The following RBMS3 variants were observed in gnomAD, a reference collection of about 807,000 sequenced individuals.
RBMS3 encodes RNA binding motif single stranded interacting protein 3, also known as RNA-binding motif, single-stranded-interacting protein 3.
A neutral mutation model predicts 66.8 loss-of-function variants in RBMS3; 27 were observed. That is an observed-to-expected ratio of 0.40 (90% CI 0.30 to 0.56). RBMS3 has a LOEUF of 0.56. Among genes scored for constraint, RBMS3 ranks in the 20% least tolerant of loss-of-function variants. The pLI is 0.40. For synonymous variants in RBMS3, 188 were observed against 183.0 expected, an observed-to-expected ratio of 1.03 and a Z score of -0.22; for missense variants, 513 against 549.5, an observed-to-expected ratio of 0.93 and a Z score of 0.66.
intron 1 of RBMS3, among the ~76,000 whole-genome samples, chr3:29,339,731 C>G (rs935871302): frequency 6.6e-6 from 1 of 152,084 alleles, no homozygotes; most frequent in Non-Finnish European, 1.5e-5. Flanking sequence ...ATGTTATTCA[C>G]AAGTCTCAGA....
chr3:29,876,655 C>T (rs2059616372), intron 7 of RBMS3, among the ~76,000 whole-genome samples: 2 of 152,110 alleles, frequency 1.3e-5, no homozygotes, highest in Admixed American at 1.3e-4. Context: ...GGAGAAAGAG[C>T]TGGCTTTAAG....
intron 10 of RBMS3, chr3:29,933,932 C>A (rs979159449): frequency 2.6e-5 from 4 of 152,056 alleles, no homozygotes; most frequent in African/African-American, 7.2e-5. Flanking sequence ...AAAATTAATT[C>A]CAAGTGCAGG....
intron 5 of RBMS3, among the ~76,000 whole-genome samples, chr3:29,751,403 C>T (rs1297256700): frequency 6.6e-6 from 1 of 151,978 alleles, no homozygotes; most frequent in African/African-American, 2.4e-5. Flanking sequence ...TTGAGAAAAC[C>T]CTGTGGCAAC....
intron 4 of RBMS3, among the ~76,000 whole-genome samples, chr3:29,680,598 T>G (rs1403624397): frequency 6.6e-6 from 1 of 152,220 alleles, no homozygotes; most frequent in Non-Finnish European, 1.5e-5. Flanking sequence ...GCATATATTG[T>G]AAAATTTCCC....
intron 1 of RBMS3, among the ~76,000 whole-genome samples, chr3:29,300,368 C>T (rs1048977550): frequency 1.3e-5 from 2 of 151,922 alleles, no homozygotes; most frequent in African/African-American, 2.4e-5. Context: ...TGCTTATTGT[C>T]GCACTGCTTT....
At chr3:29,638,828 T>A (rs1248866777) in intron 4 of RBMS3, among the ~76,000 whole-genome samples, 1 of 151,882 alleles carries the variant, frequency 6.6e-6, no homozygotes, top group Non-Finnish European at 1.5e-5. Context: ...CTTTAGGCAT[T>A]ACTGTATTAG....
chr3:29,488,573 C>T, intron 3 of RBMS3, 74 bp downstream of exon 3: 1 of 1,345,260 alleles, frequency 7.4e-7, no homozygotes. Flanking sequence ...TTGTGGAGGT[C>T]CAGGTACCAG....
intron 8 of RBMS3, among the ~76,000 whole-genome samples, chr3:29,896,937 C>T (rs1047351857): frequency 2.0e-5 from 3 of 151,726 alleles, no homozygotes; most frequent in Non-Finnish European, 4.4e-5. Flanking sequence ...GGGCATGGAC[C>T]TATGCCTAAC....
At chr3:29,716,270 G>T (rs1457791872) in intron 4 of RBMS3, among the ~76,000 whole-genome samples, 2 of 152,032 alleles carry the variant, frequency 1.3e-5, no homozygotes, top group East Asian at 3.9e-4. Context: ...TAAGATATCT[G>T]GGCAAAGTAA....
At chr3:29,965,565 T>G (rs1344904696) in intron 12 of RBMS3, among the ~76,000 whole-genome samples, 4 of 152,166 alleles carry the variant, frequency 2.6e-5, no homozygotes, top group African/African-American at 7.2e-5. Context: ...GCCCACTTTT[T>G]GATGGGATTG....
chr3:29,469,430 T>C (rs920551740), intron 2 of RBMS3, among the ~76,000 whole-genome samples: 1 of 151,730 alleles, frequency 6.6e-6, no homozygotes, highest in Non-Finnish European at 1.5e-5. Context: ...AGGACAAAAA[T>C]AAAGGGAAGG....
intron 6 of RBMS3, among the ~76,000 whole-genome samples, chr3:29,831,974 T>C (rs1000230378): frequency 1.3e-5 from 2 of 152,142 alleles, no homozygotes; most frequent in African/African-American, 4.8e-5. Flanking sequence ...ATAAGCTTAG[T>C]AGGGCTTAAA....
chr3:30,010,387 T>C (rs973804190), downstream of RBMS3: 1 of 152,246 alleles, frequency 6.6e-6, no homozygotes, highest in Admixed American at 6.5e-5. Flanking sequence ...ATAAAATCAA[T>C]TGAATAGGGC....
At chr3:29,882,154 C>T (rs2059751425) in intron 7 of RBMS3, among the ~76,000 whole-genome samples, 1 of 152,030 alleles carries the variant, frequency 6.6e-6, no homozygotes, top group Admixed American at 6.6e-5. Flanking sequence ...CTTTCCTGTG[C>T]CTGAGACCAG....
chr3:29,377,352 C>G (rs1033041279), intron 1 of RBMS3, among the ~76,000 whole-genome samples: 3 of 152,076 alleles, frequency 2.0e-5, no homozygotes, highest in Non-Finnish European at 4.4e-5. Context: ...TCGGGTGAGG[C>G]CTGCATGTTG....
At chr3:29,341,933 A>C (rs1428655125) in intron 1 of RBMS3, among the ~76,000 whole-genome samples, 1 of 152,134 alleles carries the variant, frequency 6.6e-6, no homozygotes, top group South Asian at 2.1e-4. Flanking sequence ...ATTTAATTGG[A>C]TTAAAACTGA....
rs111626725 is a variant in RBMS3, at chr3:29,282,220, A to G, written c.75+464A>G. 2.0e-3 allele frequency among the ~76,000 whole-genome samples: 312 copies of G among 152,210 alleles called. 3 individuals are homozygous for G. The highest frequency in any genetic ancestry group is 7.4e-3 in the African/African-American group (306 of 41,542). ...TAACTCAAACTTTTAATCGCAGGGT[A>G]TAGAATGAAAGAAGGGTGTGAGAAG... On this transcript the variant is annotated intron_variant, in intron 1 of 14. Transcript: ENST00000383767.
At chr3:29,928,008 A>G (rs1397641352) in intron 10 of RBMS3, among the ~76,000 whole-genome samples, 1 of 152,038 alleles carries the variant, frequency 6.6e-6, no homozygotes, top group East Asian at 1.9e-4. Flanking sequence ...CATTTAATGT[A>G]GAATAGCCAT....
intron 3 of RBMS3, among the ~76,000 whole-genome samples, chr3:29,540,417 T>A (rs976856326): frequency 6.6e-6 from 1 of 152,210 alleles, no homozygotes; most frequent in Non-Finnish European, 1.5e-5. Context: ...AGGCTCTGTA[T>A]TCTATACAAC....
Sources: allele counts gnomAD v4.1 joint callset (sites outside exome capture counted in the v4.1 genomes callset), GRCh38; gene constraint gnomAD v4.1.1; transcripts MANE v1.5; gene names NCBI Gene and HGNC (gene_info 2026-07-23, HGNC 2026-07-21).